COX7B2: variants seen among roughly 807,000 people sequenced by gnomAD.
COX7B2 encodes cytochrome c oxidase subunit 7B2, mitochondrial.
For synonymous variants in COX7B2, 37 were observed against 32.1 expected (o/e 1.15, Z -0.51); for missense variants, 109 against 95.9 (o/e 1.14, Z -0.57).
intron 2 of COX7B2, among the ~76,000 whole-genome samples, chr4:46,840,411 T>G (rs1715853009): frequency 6.6e-6 from 1 of 151,980 alleles, no homozygotes; most frequent in Admixed American, 6.6e-5. Flanking sequence ...GAGAGGATAT[T>G]ATATTAAATA....
chr4:46,754,178 A>G (rs1277282121), intron 2 of COX7B2, among the ~76,000 whole-genome samples: 1 of 152,110 alleles, frequency 6.6e-6, no homozygotes, highest in African/African-American at 2.4e-5. Flanking sequence ...ATCTAGAACT[A>G]GAAATACCAT....
intron 2 of COX7B2, among the ~76,000 whole-genome samples, chr4:46,789,221 G>C (rs1717907641): frequency 6.6e-6 from 1 of 152,144 alleles, no homozygotes; most frequent in Admixed American, 6.5e-5. Flanking sequence ...GTGTTCTCCA[G>C]TTGCTTCTCC....
At chr4:46,879,373 A>G (rs1460177452) in intron 1 of COX7B2, among the ~76,000 whole-genome samples, 1 of 151,516 alleles carries the variant, frequency 6.6e-6, no homozygotes, top group African/African-American at 2.4e-5. Context: ...GTTGGAGTGC[A>G]GCAGTGTGAT....
intron 1 of COX7B2, among the ~76,000 whole-genome samples, chr4:46,874,367 G>T (rs915767810): frequency 2.6e-5 from 4 of 152,184 alleles, no homozygotes; most frequent in African/African-American, 9.7e-5. Context: ...AGATACAAGA[G>T]GTTCCCAAAG....
intron 2 of COX7B2, among the ~76,000 whole-genome samples, chr4:46,804,615 T>C (rs1350312878): frequency 6.6e-6 from 1 of 152,178 alleles, no homozygotes; most frequent in Non-Finnish European, 1.5e-5. Context: ...AATTGGTGCA[T>C]TCACAAACCC....
At chr4:46,811,453 CA>C (rs1384361448) in intron 2 of COX7B2, among the ~76,000 whole-genome samples, 1 of 151,270 alleles carries the variant, frequency 6.6e-6, no homozygotes, top group Non-Finnish European at 1.5e-5. Flanking sequence ...TTTTTTATTT[CA>C]TTGATTGAAT....
At chr4:46,881,354 G>A (rs1475182835) in intron 1 of COX7B2, among the ~76,000 whole-genome samples, 2 of 152,172 alleles carry the variant, frequency 1.3e-5, no homozygotes, top group Non-Finnish European at 2.9e-5. Context: ...GAGCTTCCAG[G>A]TCACAAACAG....
intron 2 of COX7B2, among the ~76,000 whole-genome samples, chr4:46,767,355 T>C (rs1716602443): frequency 6.6e-6 from 1 of 152,156 alleles, no homozygotes; most frequent in Non-Finnish European, 1.5e-5. Flanking sequence ...ATTACCTAAG[T>C]ATATAAAGCA....
rs570453366 is a variant in COX7B2 at position 46,830,696 on chromosome 4, C to T, written c.-50+14264G>A. Among the ~76,000 whole-genome samples, 4 of 152,280 alleles carry T rather than the reference C, an allele frequency of 2.6e-5. No individual in the cohort carries two copies. The East Asian group carries it at 7.7e-4, about 29-fold the overall frequency. The stretch of plus-strand genomic sequence containing the variant: ...TCTAAGTGGCTTAACACAATAGATG[C>T]TTATTTCTTGCTCATATAAGCCTAG... On this transcript the variant is annotated intron_variant, in intron 2 of 2. Transcript: ENST00000355591.
intron 1 of COX7B2, among the ~76,000 whole-genome samples, chr4:46,855,458 T>A (rs559878151): frequency 6.6e-6 from 1 of 152,046 alleles, no homozygotes; most frequent in Non-Finnish European, 1.5e-5. Context: ...CAATACTTAT[T>A]CCTGATTTAA....
intron 2 of COX7B2, among the ~76,000 whole-genome samples, chr4:46,804,309 G>C (rs1422427348): frequency 2.6e-5 from 4 of 152,156 alleles, no homozygotes; most frequent in Non-Finnish European, 2.9e-5. Context: ...GGTACGGAAA[G>C]GGACCCTACC....
At chr4:46,830,338 A>G (rs192852830) in intron 2 of COX7B2, among the ~76,000 whole-genome samples, 2,103 of 151,580 alleles carry the variant, frequency 0.014, 23 homozygotes, top group Non-Finnish European at 0.021. Flanking sequence ...AAAAAAAAAA[A>G]AAAAAGAAAA....
At chr4:46,741,586 T>C (rs114850115) in intron 2 of COX7B2, among the ~76,000 whole-genome samples, 2 of 152,038 alleles carry the variant, frequency 1.3e-5, no homozygotes, top group South Asian at 2.1e-4. Context: ...AAATAAATTA[T>C]CCTGGTCCCT....
chr4:46,779,381 G>A (rs1052901467), intron 2 of COX7B2, among the ~76,000 whole-genome samples: 18 of 152,014 alleles, frequency 1.2e-4, no homozygotes, highest in Admixed American at 5.2e-4. Context: ...ATAATATTCC[G>A]TTGTGTATAT....
At chr4:46,856,102 G>A (rs1716996631) in intron 1 of COX7B2, among the ~76,000 whole-genome samples, 1 of 151,938 alleles carries the variant, frequency 6.6e-6, no homozygotes, top group South Asian at 2.1e-4. Context: ...AAATTAGCCG[G>A]TCATGGTGGT....
At chr4:46,833,832 A>T (rs561065179) in intron 2 of COX7B2, among the ~76,000 whole-genome samples, 2 of 152,304 alleles carry the variant, frequency 1.3e-5, no homozygotes, top group South Asian at 4.1e-4. Context: ...AAAAATATGG[A>T]ATGAAGATAT....
At chr4:46,759,978 C>T (rs965861535) in intron 2 of COX7B2, among the ~76,000 whole-genome samples, 2 of 151,474 alleles carry the variant, frequency 1.3e-5, no homozygotes, top group Non-Finnish European at 2.9e-5. Context: ...CCTTATCTTA[C>T]ACTTCCTCAG....
chr4:46,834,451 AT>A (rs953026234), intron 2 of COX7B2, among the ~76,000 whole-genome samples: 6 of 152,176 alleles, frequency 3.9e-5, no homozygotes, highest in Non-Finnish European at 8.8e-5. Context: ...AACTCTGCGA[AT>A]AAACCCTAGC....
At chr4:46,744,330 C>G (rs1714892895) in intron 2 of COX7B2, among the ~76,000 whole-genome samples, 1 of 152,100 alleles carries the variant, frequency 6.6e-6, no homozygotes, top group African/African-American at 2.4e-5. Flanking sequence ...TGCATTGCTA[C>G]ATTTCTTCCC....
Sources: allele counts gnomAD v4.1 joint callset (sites outside exome capture counted in the v4.1 genomes callset), GRCh38; gene constraint gnomAD v4.1.1; transcripts MANE v1.5; gene names NCBI Gene and HGNC (gene_info 2026-07-23, HGNC 2026-07-21).